ACAD11: variants seen among roughly 807,000 people sequenced by gnomAD.
ACAD11 encodes acyl-Coenzyme A dehydrogenase family, member 11.
In ACAD11, 83 loss-of-function variants were observed where a neutral mutation model predicts 102.2. That is an observed-to-expected ratio of 0.81 (90% confidence interval 0.68 to 0.97). The LOEUF is 0.97. Ranked by LOEUF, ACAD11 falls within the 50% of genes least tolerant of loss-of-function variation. ACAD11 has a pLI of 0.00. For missense variants in ACAD11, 901 were observed against 951.7 expected (o/e 0.95, Z 0.70); for synonymous variants, 324 against 319.8 (o/e 1.01, Z -0.14).
intron 17 of ACAD11, among the ~76,000 whole-genome samples, chr3:132,564,680 A>G (rs1446228247): frequency 6.6e-6 from 1 of 152,204 alleles, no homozygotes; most frequent in Non-Finnish European, 1.5e-5. Context: ...TGTGGCTTAC[A>G]GACAGCCTAC....
At chr3:132,646,332 C>T (rs1052571125) in intron 1 of ACAD11, 1 of 152,192 alleles carries the variant, frequency 6.6e-6, no homozygotes, top group Non-Finnish European at 1.5e-5. Flanking sequence ...TTTGATGAGG[C>T]TTGTGATCCG....
At chr3:132,609,612 C>G (rs1939023220) in intron 11 of ACAD11, among the ~76,000 whole-genome samples, 2 of 152,156 alleles carry the variant, frequency 1.3e-5, no homozygotes, top group Non-Finnish European at 2.9e-5. Context: ...AGACCAATAA[C>G]AAGGTCTGAA....
chr3:132,629,659 G>A (rs1006690792), intron 7 of ACAD11, among the ~76,000 whole-genome samples: 3 of 152,254 alleles, frequency 2.0e-5, no homozygotes, highest in Admixed American at 1.3e-4. Flanking sequence ...TATTTCAGTT[G>A]TTCATGGATA....
rs200642410 is a variant in ACAD11 at position 132,628,341 on chromosome 3, G to A, written c.1069C>T (p.Arg357Ter). 110 of 1,608,758 alleles carry A rather than the reference G, an allele frequency of 6.8e-5. No homozygotes were observed. The highest frequency in any genetic ancestry group is 6.6e-4 in the Middle Eastern group (4 of 6,056). The change falls in exon 8 of 20, where the codon CGA becomes TGA. Residue 357 changes from arginine to a stop codon, truncating the protein, a stop_gained and splice_region_variant. Transcript: ENST00000264990. LOFTEE classifies it high-confidence loss of function. ...AGCCAAGGAATCTGTTTTCCTTACC[G>A]TTTGGAGAGTTGTAGTCCAGTTTCT... ...LAETGLQLSK[R>*]TFSTVLPQID...
intron 4 of ACAD11, among the ~76,000 whole-genome samples, chr3:132,640,248 C>T (rs1940437770): frequency 6.6e-6 from 1 of 152,014 alleles, no homozygotes; most frequent in Admixed American, 6.6e-5. Flanking sequence ...TACCACCACA[C>T]CCAGCTAATT....
At chr3:132,570,908 C>G (rs1937356493) in intron 17 of ACAD11, among the ~76,000 whole-genome samples, 1 of 152,164 alleles carries the variant, frequency 6.6e-6, no homozygotes, top group South Asian at 2.1e-4. Context: ...TCCAGTCTAT[C>G]ATTGATGAGC....
intron 2 of ACAD11, 71 bp downstream of exon 2, chr3:132,644,726 A>G: frequency 2.5e-6 from 2 of 791,616 alleles, no homozygotes; most frequent in Non-Finnish European, 3.8e-6. Context: ...TTTAAAAGTA[A>G]ATTGGCTTTG....
At chr3:132,588,738 A>G (rs1311711346) in intron 13 of ACAD11, among the ~76,000 whole-genome samples, 1 of 152,200 alleles carries the variant, frequency 6.6e-6, no homozygotes, top group Non-Finnish European at 1.5e-5. Flanking sequence ...CCCCATTCAC[A>G]TATTTCAAAG....
At chr3:132,632,464 C>G (rs916993333) in intron 5 of ACAD11, among the ~76,000 whole-genome samples, 8 of 152,080 alleles carry the variant, frequency 5.3e-5, no homozygotes, top group African/African-American at 1.9e-4. Flanking sequence ...AGCGTATGAT[C>G]CAATTTATGC....
At chr3:132,591,826 AG>A (rs1178183269) in intron 13 of ACAD11, among the ~76,000 whole-genome samples, 2 of 152,146 alleles carry the variant, frequency 1.3e-5, no homozygotes, top group East Asian at 1.9e-4. Context: ...CGGGAAGTCA[AG>A]GTTGCAGTGA....
In ACAD11 at chr3:132,571,016, G is replaced by A. The variant is rs541980646; in HGVS notation, c.2001+4756C>T. 1.8e-4 allele frequency among the ~76,000 whole-genome samples: 28 copies of A among 152,188 alleles called. No individual in the cohort carries two copies. In the East Asian group the frequency reaches 4.2e-3, roughly 23 times the overall value. On this transcript the variant is annotated intron_variant, in intron 17 of 19. Coordinates refer to ENST00000264990, the MANE Select transcript of ACAD11 (RefSeq NM_032169.5). ...CGTAGAATGACTTATATACCTTTGC[G>A]TATATATCCAGTAATGGAATTGCTG...
chr3:132,614,917 C>T (rs1939341780), intron 11 of ACAD11, among the ~76,000 whole-genome samples: 1 of 152,034 alleles, frequency 6.6e-6, no homozygotes, highest in Non-Finnish European at 1.5e-5. Context: ...AAATTTTGCA[C>T]TTCATCCATC....
chr3:132,659,152 T>C (rs1197854043), intron 1 of ACAD11, among the ~76,000 whole-genome samples: 1 of 152,192 alleles, frequency 6.6e-6, no homozygotes, highest in Non-Finnish European at 1.5e-5. Context: ...TGTGACCTCC[T>C]AAGTGGAAAA....
chr3:132,576,582 T>C (rs59482376), intron 16 of ACAD11, among the ~76,000 whole-genome samples: 2,125 of 152,350 alleles, frequency 0.014, 49 homozygotes, highest in African/African-American at 0.049. Flanking sequence ...CTCTGAATTA[T>C]ATAATTTTCA....
chr3:132,634,277 T>C (rs909486057), intron 5 of ACAD11, among the ~76,000 whole-genome samples: 2 of 152,212 alleles, frequency 1.3e-5, no homozygotes, highest in Non-Finnish European at 2.9e-5. Flanking sequence ...AAAGAAGACA[T>C]TTATGCAGCC....
Position 132,616,529 on chromosome 3 carries a change from C to T in ACAD11, c.1414+2105G>A, listed in dbSNP as rs1939415655. The stretch of plus-strand genomic sequence containing the variant: ...AGTGGAAAATATCCAAATGCACTTG[C>T]ATGTAGTAAGAGAAACTCTTGTTTT... On this transcript the variant is annotated intron_variant, in intron 11 of 19. Transcript: ENST00000264990. Among the ~76,000 whole-genome samples the T allele has an allele frequency of 2.0e-5, 3 of 152,166 alleles. No homozygotes were observed. The South Asian group carries it at 6.2e-4, about 32-fold the overall frequency.
In ACAD11 at chr3:132,642,801, A is replaced by G; in HGVS notation, c.251T>C (p.Ile84Thr). The change falls in exon 3 of 20, where the codon ATT (isoleucine) becomes ACT (threonine). Residue 84 changes from isoleucine (I) to threonine (T), a missense_variant and splice_region_variant. Coordinates refer to ENST00000264990, the MANE Select transcript of ACAD11 (RefSeq NM_032169.5). ...TTTCTGGACTTTAAATTCTCTATCAATCTAAATAGGATGATGAATCATTAA... is the reference window on the plus strand; with the variant it reads ...TTTCTGGACTTTAAATTCTCTATCAGTCTAAATAGGATGATGAATCATTAA... ...PGSLLPKAHQ[I>T]DREFKVQKAL... 1 of 1,607,722 alleles carries G rather than the reference A, an allele frequency of 6.2e-7. No homozygotes were observed. The highest frequency in any genetic ancestry group is 8.5e-7 in the Non-Finnish European group (1 of 1,178,018).
At chr3:132,626,541 C>G in intron 9 of ACAD11, 150 bp downstream of exon 9, 1 of 817,986 alleles carries the variant, frequency 1.2e-6, no homozygotes, top group Non-Finnish European at 1.9e-6. Context: ...TCCCTTTGTT[C>G]TATCGTGGCT....
intron 17 of ACAD11, among the ~76,000 whole-genome samples, chr3:132,575,033 G>C (rs1192260608): frequency 6.6e-6 from 1 of 151,866 alleles, no homozygotes; most frequent in African/African-American, 2.4e-5. Flanking sequence ...TTTTAGTAGA[G>C]ACGGGGTTTC....
Sources: allele counts gnomAD v4.1 joint callset (sites outside exome capture counted in the v4.1 genomes callset), GRCh38; gene constraint gnomAD v4.1.1; transcripts MANE v1.5; gene names NCBI Gene and HGNC (gene_info 2026-07-23, HGNC 2026-07-21).